The following SCML4 variants were observed in gnomAD, a reference collection of about 807,000 sequenced individuals.
SCML4 encodes sex comb on midleg-like protein 4.
A neutral mutation model predicts 41.1 loss-of-function variants in SCML4; 34 were observed. The ratio of observed to expected loss-of-function variants is 0.83; its 90% CI spans 0.63 to 1.10. SCML4 has a LOEUF of 1.10. SCML4 is among the 50% of genes least tolerant of loss of function. SCML4 has a pLI of 0.00. For synonymous variants in SCML4, 214 were observed against 220.9 expected, an observed-to-expected ratio of 0.97 and a Z score of 0.28; for missense variants, 522 against 534.1, an observed-to-expected ratio of 0.98 and a Z score of 0.22.
intron 2 of SCML4, among the ~76,000 whole-genome samples, chr6:107,755,390 G>T (rs1419382149): frequency 1.3e-5 from 2 of 152,144 alleles, no homozygotes; most frequent in Non-Finnish European, 2.9e-5. Context: ...ATACCCTTTT[G>T]ACTTAGCATT....
intron 6 of SCML4, among the ~76,000 whole-genome samples, chr6:107,717,830 G>A (rs931851069): frequency 6.6e-6 from 1 of 152,218 alleles, no homozygotes; most frequent in African/African-American, 2.4e-5. Context: ...TTGCAGGCAT[G>A]AACCATCGTG....
At position 107,777,605 on chromosome 6, in the gene SCML4, C is replaced by T. The variant is rs1781061291; in HGVS notation, c.-59-5219G>A. Among the ~76,000 whole-genome samples the T allele has an allele frequency of 2.0e-5, 3 of 152,204 alleles. No homozygotes were observed. The South Asian group carries it at 6.2e-4, about 32-fold the overall frequency. ...AGAACTTCAGTGGCTACTATGTTAA[C>T]GTTGCAAACAAAAGTAACAAAAAGG... On this transcript the variant is annotated intron_variant, in intron 1 of 7. Coordinates refer to ENST00000369020, the MANE Select transcript of SCML4 (RefSeq NM_198081.5).
chr6:107,734,585 T>G (rs1776871948), intron 5 of SCML4, among the ~76,000 whole-genome samples: 1 of 152,170 alleles, frequency 6.6e-6, no homozygotes, highest in Non-Finnish European at 1.5e-5. Flanking sequence ...GCACCTTCTT[T>G]AAAAAAGAGA....
chr6:107,744,967 C>T lies in SCML4; in HGVS notation c.664G>A (p.Glu222Lys). Residue 222 changes from glutamate to lysine, a missense_variant, in exon 5 of 8, where the codon GAA becomes AAA. Glu to Lys is a moderately conservative substitution (Grantham distance 56, BLOSUM62 1). Coordinates refer to ENST00000369020, the MANE Select transcript of SCML4 (RefSeq NM_198081.5). Reference sequence around the variant, plus strand: ...GGCCTACCTGATTCCATCCTCCCTTCCTCTTTCTCCTGGACTTTCTCAGAG... The same window carrying T: ...GGCCTACCTGATTCCATCCTCCCTTTCTCTTTCTCCTGGACTTTCTCAGAG... The part of the protein sequence containing the change: ...SASEKVQEKE[E>K]GRMESVKTVT... 6.2e-7 allele frequency: 1 copy of T among 1,611,734 alleles called. No homozygotes were observed. Among genetic ancestry groups the T allele is most frequent in the South Asian group, 1.1e-5 (1 of 90,586 alleles).
intron 1 of SCML4, among the ~76,000 whole-genome samples, chr6:107,815,683 C>T (rs977865132): frequency 3.9e-5 from 6 of 152,130 alleles, no homozygotes; most frequent in African/African-American, 1.2e-4. Flanking sequence ...CGGGTGCCTG[C>T]GTTGGAAGTA....
At position 107,705,135 on chromosome 6, in the gene SCML4, T is replaced by C. The variant is rs879142205; in HGVS notation, c.*65A>G. ...CTAGTTTGTGATGTTGGCGGGATAT[T>C]GGTAAGGCAGAAGATAATCTTGGGA... On this transcript the variant is annotated 3_prime_UTR_variant, in exon 8 of 8. Coordinates refer to ENST00000369020, the MANE Select transcript of SCML4 (RefSeq NM_198081.5). 8.2e-5 allele frequency: 117 copies of C among 1,420,016 alleles called. 3 individuals are homozygous for C. The South Asian group carries it at 1.3e-3, about 15-fold the overall frequency. 88.0% of individuals were successfully genotyped at this position (1,420,016 alleles called of 1,614,324 possible).
intron 3 of SCML4, among the ~76,000 whole-genome samples, chr6:107,748,559 T>C (rs543134755): frequency 1.3e-5 from 2 of 152,306 alleles, no homozygotes; most frequent in South Asian, 4.1e-4. Flanking sequence ...ATCAAGTCTT[T>C]TGGAAGACAC....
intron 6 of SCML4, among the ~76,000 whole-genome samples, chr6:107,711,004 G>T (rs1774157128): frequency 1.6e-5 from 1 of 61,848 alleles, no homozygotes; most frequent in Non-Finnish European, 3.4e-5. Context: ...TGGTTTCCCT[G>T]GTGTCCCTGC....
rs571021012 is a variant in SCML4 at position 107,798,355 on chromosome 6, T to A, written c.-60+25771A>T. The stretch of plus-strand genomic sequence containing the variant: ...ATCTTATGTCAGATTTGGTCAGTTG[T>A]GTTTTTCAAAAAATTTGTTGTGAAT... On this transcript the variant is annotated intron_variant, in intron 1 of 7. Transcript: ENST00000369020. Among the ~76,000 whole-genome samples the A allele has an allele frequency of 3.3e-5, 5 of 152,108 alleles. No individual in the cohort carries two copies. The South Asian group carries it at 1.0e-3, about 32-fold the overall frequency.
chr6:107,755,694 GT>G, intron 2 of SCML4: 1 of 1,110,442 alleles, frequency 9.0e-7, no homozygotes, highest in Non-Finnish European at 1.2e-6. Flanking sequence ...TGTCTATTTT[GT>G]TTTTTAAATG....
At chr6:107,748,470 T>C (rs1562214457) in intron 3 of SCML4, among the ~76,000 whole-genome samples, 1 of 152,176 alleles carries the variant, frequency 6.6e-6, no homozygotes, top group African/African-American at 2.4e-5. Flanking sequence ...TTATTACTGA[T>C]TTACTAATGA....
At chr6:107,840,793 G>A in the SCML4 span, among the ~76,000 whole-genome samples, 454 of 152,162 alleles carry the variant, frequency 3.0e-3, no homozygotes, top group African/African-American at 0.01. Flanking sequence ...CAAGGGAGGA[G>A]CCATCTGAAC....
chr6:107,778,196 CAAAAAAAAAAAAAA>C (rs1171221403), intron 1 of SCML4, among the ~76,000 whole-genome samples: 86 of 7,654 alleles, frequency 0.011, no homozygotes, highest in East Asian at 0.051. Context: ...GACTCTATCT[CAAAAAAAAAAAAAA>C]AAAAAAAAAA....
chr6:107,708,125 C>A, intron 6 of SCML4, 114 bp from the exon 7 acceptor site: 1 of 1,266,048 alleles, frequency 7.9e-7, no homozygotes, highest in Non-Finnish European at 1.1e-6. Flanking sequence ...CCCATGAGTC[C>A]AAGGACCTGG....
chr6:107,828,404 A>T (rs1785314850), upstream of SCML4, among the ~76,000 whole-genome samples: 1 of 152,188 alleles, frequency 6.6e-6, no homozygotes, highest in African/African-American at 2.4e-5. Flanking sequence ...AACTCAAAAC[A>T]TCGGTCTGCT....
In SCML4 at chr6:107,707,860, G is replaced by T; in HGVS notation, c.1119+6C>A. 10 of 1,551,612 alleles carry T rather than the reference G, an allele frequency of 6.4e-6. No homozygotes were observed. Among genetic ancestry groups the T allele is most frequent in the Non-Finnish European group, 8.7e-6 (10 of 1,146,982 alleles). Reference sequence around the variant, plus strand: ...CCCCCCAAGGTCAAACCCACCACTCGCATACGTGCTTTCTGAAGAGCTCCA... The same window carrying T: ...CCCCCCAAGGTCAAACCCACCACTCTCATACGTGCTTTCTGAAGAGCTCCA... On this transcript the variant is annotated splice_donor_region_variant and intron_variant, in intron 7 of 7. Coordinates refer to ENST00000369020, the MANE Select transcript of SCML4 (RefSeq NM_198081.5).
chr6:107,792,644 A>G (rs1018055134), intron 1 of SCML4, among the ~76,000 whole-genome samples: 1 of 151,924 alleles, frequency 6.6e-6, no homozygotes, highest in African/African-American at 2.4e-5. Context: ...AGGCAGGAGA[A>G]TCGCTACAAT....
chr6:107,773,695 C>T (rs989922727), intron 1 of SCML4, among the ~76,000 whole-genome samples: 1 of 151,310 alleles, frequency 6.6e-6, no homozygotes, highest in Non-Finnish European at 1.5e-5. Context: ...ATAGTGGTAT[C>T]ATGAGTTCAG....
chr6:107,726,359 C>T (rs1305324235), intron 5 of SCML4, among the ~76,000 whole-genome samples: 1 of 151,190 alleles, frequency 6.6e-6, no homozygotes, highest in African/African-American at 2.4e-5. Flanking sequence ...CGGTGAAACC[C>T]CATCTCTACT....
Sources: gnomAD v4.1 joint callset for allele counts (sites outside exome capture counted in the v4.1 genomes callset) on GRCh38, gnomAD v4.1.1 for gene constraint, MANE v1.5 for transcripts, NCBI Gene and HGNC (gene_info 2026-07-23, HGNC 2026-07-21) for gene names.